Variants in SHISA9 observed in about 807,000 individuals in gnomAD.
The protein encoded by SHISA9 is shisa family member 9.
Under a neutral mutation model 38.0 loss-of-function variants are expected in SHISA9, and 13 were observed. That is an observed-to-expected ratio of 0.34 (90% CI 0.22 to 0.54). SHISA9 has a LOEUF of 0.54. Among genes scored for constraint, SHISA9 ranks in the 20% least tolerant of loss-of-function variants. The pLI is 0.91. For missense variants in SHISA9, 538 were observed against 575.8 expected (o/e 0.93, Z 0.67); for synonymous variants, 275 against 242.0 (o/e 1.14, Z -1.27).
chr16:12,938,689 G>T (rs939777508), intron 2 of SHISA9, among the ~76,000 whole-genome samples: 1 of 151,214 alleles, frequency 6.6e-6, no homozygotes, highest in Non-Finnish European at 1.5e-5. Flanking sequence ...TTTTAGTAGA[G>T]AGGGGGTTTC....
intron 2 of SHISA9, among the ~76,000 whole-genome samples, chr16:13,077,285 C>T (rs1238664937): frequency 2.6e-5 from 4 of 151,816 alleles, no homozygotes; most frequent in African/African-American, 9.7e-5. Flanking sequence ...TATGTCCAGA[C>T]CAGTGTTCTC....
intron 1 of SHISA9, among the ~76,000 whole-genome samples, chr16:12,903,358 C>A (rs989287997): frequency 6.6e-6 from 1 of 152,140 alleles, no homozygotes; most frequent in South Asian, 2.1e-4. Context: ...ACTCCGGGGG[C>A]CCGAGCCCCC....
the SHISA9 span, among the ~76,000 whole-genome samples, chr16:13,328,377 T>C: frequency 6.6e-6 from 1 of 151,930 alleles, no homozygotes; most frequent in African/African-American, 2.4e-5. Flanking sequence ...AACCTCCCCA[T>C]GTTAGCAACA....
chr16:13,233,399 T>C (rs1040072016), intron 4 of SHISA9, among the ~76,000 whole-genome samples: 1 of 152,196 alleles, frequency 6.6e-6, no homozygotes, highest in Non-Finnish European at 1.5e-5. Context: ...TGTAGAATAG[T>C]TGGCAATATG....
chr16:13,469,320 G>GAGAGAGAGAGAGAAAGAA, the SHISA9 span, among the ~76,000 whole-genome samples: 5 of 61,588 alleles, frequency 8.1e-5, no homozygotes, highest in African/African-American at 3.9e-4. Flanking sequence ...GAGAGAGAGA[G>GAGAGAGAGAGAGAAAGAA]AGAAAGAAAG....
rs2073288860 is a variant in SHISA9 at position 13,054,571 on chromosome 16, AG to A, written c.691+137759del. Among the ~76,000 whole-genome samples the A allele has an allele frequency of 6.6e-5, 10 of 152,230 alleles. 1 individual carries two copies. The South Asian group carries it at 2.1e-3, about 32-fold the overall frequency. On this transcript the variant is annotated intron_variant, in intron 2 of 4. Coordinates refer to ENST00000558583, the MANE Select transcript of SHISA9 (RefSeq NM_001145204.3). ...TCTATTATAATCTCCTTTTAAACAT[AG>A]GGACAAATTTGACTTATTTTCAGGG...
chr16:12,942,282 G>A (rs1383086400), intron 2 of SHISA9, among the ~76,000 whole-genome samples: 1 of 152,218 alleles, frequency 6.6e-6, no homozygotes, highest in East Asian at 1.9e-4. Flanking sequence ...GTACAAATGA[G>A]CTTGCACTGA....
At chr16:13,394,116 G>A in the SHISA9 span, among the ~76,000 whole-genome samples, 3 of 152,128 alleles carry the variant, frequency 2.0e-5, no homozygotes, top group Non-Finnish European at 4.4e-5. Context: ...GAAGCATTAC[G>A]CATTTCCACT....
chr16:13,503,700 A>T, the SHISA9 span, among the ~76,000 whole-genome samples: 1 of 150,684 alleles, frequency 6.6e-6, no homozygotes, highest in Non-Finnish European at 1.5e-5. Context: ...AAAAAAAAAA[A>T]TTGTAACTGT....
At chr16:12,903,368 C>G (rs781038678) in intron 1 of SHISA9, among the ~76,000 whole-genome samples, 1 of 152,220 alleles carries the variant, frequency 6.6e-6, no homozygotes, top group African/African-American at 2.4e-5. Flanking sequence ...CCCGAGCCCC[C>G]TCCTCGCGCG....
the SHISA9 span, among the ~76,000 whole-genome samples, chr16:13,519,613 C>T: frequency 2.0e-5 from 3 of 152,052 alleles, no homozygotes; most frequent in African/African-American, 7.3e-5. Flanking sequence ...AAGAAATACC[C>T]GAGACTGGGT....
At chr16:13,182,374 G>C (rs1478647499) in intron 2 of SHISA9, among the ~76,000 whole-genome samples, 1 of 152,192 alleles carries the variant, frequency 6.6e-6, no homozygotes, top group Non-Finnish European at 1.5e-5. Context: ...GCTGAAAGAA[G>C]AACCTTTCCT....
Position 13,155,191 on chromosome 16 carries a change from T to G in SHISA9, c.692-48203T>G, listed in dbSNP as rs551539485. Among the ~76,000 whole-genome samples, 6 of 152,224 alleles carry G rather than the reference T, an allele frequency of 3.9e-5. No individual in the cohort carries two copies. The South Asian group carries it at 1.2e-3, about 32-fold the overall frequency. On this transcript the variant is annotated intron_variant, in intron 2 of 4. Transcript: ENST00000558583. ...CAGAATGGATTGAACTGGGATCAAA[T>G]GGGATGAGTTGGACTTTAAATGGGA...
the SHISA9 span, among the ~76,000 whole-genome samples, chr16:13,491,524 T>G: frequency 6.6e-6 from 1 of 152,084 alleles, no homozygotes; most frequent in Non-Finnish European, 1.5e-5. Flanking sequence ...AATCTCACTC[T>G]GTCACCAAGG....
chr16:13,130,769 CA>C (rs2050299726), intron 2 of SHISA9, among the ~76,000 whole-genome samples: 1 of 152,202 alleles, frequency 6.6e-6, no homozygotes, highest in Admixed American at 6.5e-5. Context: ...CACAGTAGCA[CA>C]AATGTGGCCA....
chr16:13,427,113 A>T, the SHISA9 span, among the ~76,000 whole-genome samples: 1 of 152,244 alleles, frequency 6.6e-6, no homozygotes, highest in Non-Finnish European at 1.5e-5. Flanking sequence ...GTTGGCTGGC[A>T]TTGCAAGAGG....
At chr16:12,977,120 G>T (rs1453017097) in intron 2 of SHISA9, among the ~76,000 whole-genome samples, 1 of 152,194 alleles carries the variant, frequency 6.6e-6, no homozygotes, top group East Asian at 1.9e-4. Context: ...AAGAGCCACT[G>T]TGTGACTCAC....
the SHISA9 span, chr16:13,458,513 C>T: frequency 1.8e-4 from 74 of 414,030 alleles, no homozygotes; most frequent in Non-Finnish European, 2.9e-4. Flanking sequence ...AAAACTCGAT[C>T]AACAATGGCT....
chr16:13,514,225 C>T, the SHISA9 span, among the ~76,000 whole-genome samples: 7 of 151,898 alleles, frequency 4.6e-5, no homozygotes, highest in Non-Finnish European at 7.4e-5. Flanking sequence ...GAACTCCTCA[C>T]CTCGTGACCT....
Sources: allele counts gnomAD v4.1 joint callset (sites outside exome capture counted in the v4.1 genomes callset), GRCh38; gene constraint gnomAD v4.1.1; transcripts MANE v1.5; gene names NCBI Gene and HGNC (gene_info 2026-07-23, HGNC 2026-07-21).